SAMSN1: variants seen among roughly 807,000 people sequenced by gnomAD.
The protein encoded by SAMSN1 is SAM domain-containing protein SAMSN-1.
In SAMSN1, 31 loss-of-function variants were observed where a neutral mutation model predicts 42.0. The observed-to-expected ratio is 0.74, with a 90% CI of 0.55 to 1.00. The LOEUF (loss-of-function observed/expected upper bound fraction) is 1.00, where lower values mean the gene tolerates loss of function less well. SAMSN1 is among the 50% of genes least tolerant of loss of function. The pLI is 0.00. For synonymous variants in SAMSN1, 178 were observed against 151.9 expected (o/e 1.17, Z -1.26); for missense variants, 464 against 439.4 (o/e 1.06, Z -0.50).
At chr21:14,530,661 G>C (rs557195934) in intron 1 of SAMSN1, among the ~76,000 whole-genome samples, 1 of 152,274 alleles carries the variant, frequency 6.6e-6, no homozygotes, top group South Asian at 2.1e-4. Flanking sequence ...ATAGTTGGTC[G>C]ATGTTTCATG....
At chr21:14,580,009 A>G (rs115712107) in intron 2 of SAMSN1, among the ~76,000 whole-genome samples, 4 of 152,286 alleles carry the variant, frequency 2.6e-5, no homozygotes, top group African/African-American at 7.2e-5. Context: ...TTTCATGGAT[A>G]TGGAATGAAA....
intron 2 of SAMSN1, among the ~76,000 whole-genome samples, chr21:14,556,155 T>G (rs1980756117): frequency 6.6e-6 from 1 of 152,294 alleles, no homozygotes; most frequent in East Asian, 1.9e-4. Context: ...TTTTCACTCA[T>G]CAGAAAAATT....
chr21:14,498,421 A>G, intron 7 of SAMSN1, 21 bp downstream of exon 7: 2 of 1,582,772 alleles, frequency 1.3e-6, no homozygotes, highest in Non-Finnish European at 8.6e-7. Context: ...GCTGGGGAGA[A>G]GAGTAGGTGT....
chr21:14,590,221 C>T (rs1982038891), intron 7 of SAMSN1, among the ~76,000 whole-genome samples: 2 of 151,810 alleles, frequency 1.3e-5, no homozygotes, highest in South Asian at 4.1e-4. Context: ...TCTTAGTTTT[C>T]TACAGTGAAG....
chr21:14,574,706 C>T lies in SAMSN1; in HGVS notation c.261+7430G>A, dbSNP rs556072537. On this transcript the variant is annotated intron_variant, in intron 2 of 8. Coordinates refer to the SAMSN1 transcript ENST00000285670. ...ATACTTCACACTTACAGAGAAATTA[C>T]ATTTTCTCATTTTATCTTTATTTTT... Among the ~76,000 whole-genome samples the T allele has an allele frequency of 5.3e-5, 8 of 152,196 alleles. 1 individual carries two copies. The highest frequency in any genetic ancestry group is 1.9e-4 in the African/African-American group (8 of 41,538).
intron 2 of SAMSN1, among the ~76,000 whole-genome samples, chr21:14,638,103 T>C (rs975990792): frequency 6.6e-6 from 1 of 152,168 alleles, no homozygotes; most frequent in African/African-American, 2.4e-5. Flanking sequence ...CCACATTATA[T>C]ACATTCCCGC....
At chr21:14,530,092 G>A (rs913467844) in intron 1 of SAMSN1, among the ~76,000 whole-genome samples, 4 of 152,122 alleles carry the variant, frequency 2.6e-5, no homozygotes, top group Admixed American at 6.5e-5. Flanking sequence ...CAAGGCAGGC[G>A]GATCACGAGG....
chr21:14,646,845 CA>C (rs1311303111), intron 1 of SAMSN1, among the ~76,000 whole-genome samples: 1 of 152,084 alleles, frequency 6.6e-6, no homozygotes, highest in Non-Finnish European at 1.5e-5. Context: ...GTTAAGTTGT[CA>C]GCAGGTTAAA....
chr21:14,608,620 C>G (rs562405933), intron 5 of SAMSN1, among the ~76,000 whole-genome samples: 2 of 152,212 alleles, frequency 1.3e-5, no homozygotes, highest in Non-Finnish European at 2.9e-5. Context: ...ATGCTTTCAT[C>G]ACCCCTTTCC....
At chr21:14,527,533 G>C (rs964670806) in intron 1 of SAMSN1, among the ~76,000 whole-genome samples, 1 of 152,096 alleles carries the variant, frequency 6.6e-6, no homozygotes, top group African/African-American at 2.4e-5. Context: ...CGTACATCTG[G>C]ACTCTAAGAA....
chr21:14,525,251 A>T (rs980038138), intron 1 of SAMSN1, among the ~76,000 whole-genome samples: 2 of 152,176 alleles, frequency 1.3e-5, no homozygotes, highest in African/African-American at 2.4e-5. Context: ...AACTAATGAG[A>T]TATTGTTTAT....
rs75500956 is a variant in SAMSN1, at chr21:14,577,538, C to T, written c.261+4598G>A. 7.6e-3 allele frequency among the ~76,000 whole-genome samples: 1,148 copies of T among 151,782 alleles called. 12 individuals carry two copies. Among genetic ancestry groups the T allele is most frequent in the African/African-American group, 0.025 (1,036 of 41,372 alleles). On this transcript the variant is annotated intron_variant, in intron 2 of 8. Transcript: ENST00000285670. Reference sequence around the variant, plus strand: ...AGGAAGACTTTGTCTCCTTCACAGCCCACAAACTCTATCCTTTCTTACCCT... The same window carrying T: ...AGGAAGACTTTGTCTCCTTCACAGCTCACAAACTCTATCCTTTCTTACCCT...
At chr21:14,647,283 A>G (rs1437483581) in intron 1 of SAMSN1, among the ~76,000 whole-genome samples, 5 of 151,906 alleles carry the variant, frequency 3.3e-5, no homozygotes, top group Non-Finnish European at 7.4e-5. Flanking sequence ...TTTGTCAAAG[A>G]TCAGATAGTT....
intron 1 of SAMSN1, among the ~76,000 whole-genome samples, chr21:14,523,642 C>T (rs981744919): frequency 6.6e-6 from 1 of 152,148 alleles, no homozygotes; most frequent in African/African-American, 2.4e-5. Flanking sequence ...ATACTTGAAA[C>T]CATTCTATGG....
At chr21:14,617,815 C>T (rs1466464721) in intron 2 of SAMSN1, among the ~76,000 whole-genome samples, 1 of 152,180 alleles carries the variant, frequency 6.6e-6, no homozygotes, top group Non-Finnish European at 1.5e-5. Flanking sequence ...GAGATTAATT[C>T]CAGATGGCTC....
intron 2 of SAMSN1, among the ~76,000 whole-genome samples, chr21:14,577,044 G>GTTTT (rs1568815753): frequency 3.2e-5 from 3 of 94,440 alleles, no homozygotes; most frequent in East Asian, 3.2e-4. Flanking sequence ...GATTGCATCC[G>GTTTT]TTTCTTTTTT....
At position 14,500,642 on chromosome 21, in the gene SAMSN1, C is replaced by T; in HGVS notation, c.655G>A (p.Val219Met). 1 of 1,614,098 alleles carries T rather than the reference C, an allele frequency of 6.2e-7. No homozygotes were observed. Among genetic ancestry groups the T allele is most frequent in the Non-Finnish European group, 8.5e-7 (1 of 1,179,970 alleles). Residue 219 changes from valine to methionine, a missense_variant, in exon 6 of 8, where the codon GTG becomes ATG. Physicochemically the swap from Val to Met is conservative, Grantham distance 21. Transcript: ENST00000400566. ...GCTTCCTCTTCTGAGATGACATCCA[C>T]ATAAATGAATTTGAAGTTTCCCACT... ...NKVGNFKFIY[V>M]DVISEEEAAP...
chr21:14,584,827 C>G (rs1349405383), upstream of SAMSN1, among the ~76,000 whole-genome samples: 1 of 152,180 alleles, frequency 6.6e-6, no homozygotes, highest in Non-Finnish European at 1.5e-5. Context: ...TATAATAATG[C>G]TTTCCAATCC....
At chr21:14,510,925 C>A (rs1239267925) in intron 4 of SAMSN1, among the ~76,000 whole-genome samples, 1 of 152,154 alleles carries the variant, frequency 6.6e-6, no homozygotes, top group African/African-American at 2.4e-5. Context: ...TATCTGCATC[C>A]CCATGTGGTT....
Sources: allele counts gnomAD v4.1 joint callset (sites outside exome capture counted in the v4.1 genomes callset), GRCh38; gene constraint gnomAD v4.1.1; transcripts MANE v1.5; gene names NCBI Gene and HGNC (gene_info 2026-07-23, HGNC 2026-07-21).